Variants in EIF3H observed in about 807,000 individuals in gnomAD.
The protein encoded by EIF3H is eukaryotic translation initiation factor 3 subunit H.
EIF3H carries 26 observed loss-of-function variants against 44.2 expected under a neutral mutation model. That is an observed-to-expected ratio of 0.59 (90% CI 0.43 to 0.82). EIF3H has a LOEUF of 0.82. Among genes scored for constraint, EIF3H ranks in the 40% least tolerant of loss-of-function variants. The pLI is 0.00. For synonymous variants in EIF3H, 166 were observed against 151.9 expected (o/e 1.09, Z -0.68); for missense variants, 359 against 432.8 (o/e 0.83, Z 1.51).
At chr8:116,750,631 G>A (rs556268523) in intron 1 of EIF3H, among the ~76,000 whole-genome samples, 1 of 151,882 alleles carries the variant, frequency 6.6e-6, no homozygotes, top group Admixed American at 6.5e-5. Context: ...GGACGGTCTT[G>A]ATCTCCTGAC....
At chr8:116,729,822 T>TA (rs1307206076) in intron 1 of EIF3H, among the ~76,000 whole-genome samples, 1 of 152,198 alleles carries the variant, frequency 6.6e-6, no homozygotes, top group East Asian at 1.9e-4. Context: ...TTTGGCTGCT[T>TA]AGAGGATTAG....
intron 1 of EIF3H, among the ~76,000 whole-genome samples, chr8:116,728,641 G>A (rs1031106241): frequency 6.6e-6 from 1 of 152,010 alleles, no homozygotes; most frequent in Non-Finnish European, 1.5e-5. Context: ...AATAAGATTG[G>A]CAGACCTTCA....
intron 1 of EIF3H, among the ~76,000 whole-genome samples, chr8:116,733,957 T>A (rs901055540): frequency 1.1e-4 from 17 of 152,208 alleles, no homozygotes; most frequent in African/African-American, 4.1e-4. Flanking sequence ...TAAATCTTTT[T>A]AATATCTGGT....
At chr8:116,697,065 G>T (rs1371095062) in intron 2 of EIF3H, 3 of 456,182 alleles carry the variant, frequency 6.6e-6, no homozygotes, top group South Asian at 4.6e-5. Context: ...CTCCAGCTGG[G>T]ATCTCTCTCC....
intron 1 of EIF3H, among the ~76,000 whole-genome samples, chr8:116,751,156 G>A (rs1815332086): frequency 6.6e-6 from 1 of 151,808 alleles, no homozygotes; most frequent in Non-Finnish European, 1.5e-5. Context: ...AGCTTGCAGT[G>A]AGCCGAGATT....
chr8:116,646,387 C>T, intron 7 of EIF3H, 84 bp downstream of exon 7: 1 of 1,593,456 alleles, frequency 6.3e-7, no homozygotes, highest in East Asian at 2.2e-5. Context: ...TTACGGCATG[C>T]TTTTCTGTTT....
At chr8:116,657,969 A>G (rs553508845) in intron 3 of EIF3H, among the ~76,000 whole-genome samples, 1 of 152,344 alleles carries the variant, frequency 6.6e-6, no homozygotes, top group South Asian at 2.1e-4. Flanking sequence ...GTTAACATTC[A>G]TGTTGTCTGA....
chr8:116,678,372 GC>G (rs1216715622), intron 2 of EIF3H, among the ~76,000 whole-genome samples: 9 of 150,122 alleles, frequency 6.0e-5, no homozygotes, highest in Non-Finnish European at 1.0e-4. Flanking sequence ...GCCTGCCTTG[GC>G]CCCCCAAAGT....
chr8:116,754,270 T>C (rs960764126), intron 1 of EIF3H, among the ~76,000 whole-genome samples: 3 of 152,116 alleles, frequency 2.0e-5, no homozygotes, highest in African/African-American at 7.2e-5. Context: ...CGTGCCAACA[T>C]GCCCGGCTAA....
rs1459815806 is a variant in EIF3H, at chr8:116,643,986, C to A, written c.*1020G>T. 1 of 152,236 alleles carries A rather than the reference C, an allele frequency of 6.6e-6. No individual in the cohort carries two copies. Among genetic ancestry groups the A allele is most frequent in the Non-Finnish European group, 1.5e-5 (1 of 68,050 alleles). The allele number at this position is 152,236 out of a possible 1,614,324, so 9.4% of individuals were successfully genotyped here. ...AATTCCTAATTCCTCATTCACAACA[C>A]TTGCTGTTAGCAGAATTATACTTCA... On this transcript the variant is annotated 3_prime_UTR_variant, in exon 8 of 8. Transcript: ENST00000521861.
intron 2 of EIF3H, among the ~76,000 whole-genome samples, chr8:116,675,159 CT>C (rs75246941): frequency 0.12 from 17,698 of 152,230 alleles, 1,328 homozygotes; most frequent in East Asian, 0.42. Flanking sequence ...TGTGCTACCA[CT>C]TGATAAAGTC....
At chr8:116,740,996 A>C (rs903720877) in intron 1 of EIF3H, among the ~76,000 whole-genome samples, 1 of 152,234 alleles carries the variant, frequency 6.6e-6, no homozygotes, top group African/African-American at 2.4e-5. Context: ...TCCTCAGTAA[A>C]TGTTAGCTAC....
At chr8:116,666,718 T>C (rs762994453) in intron 2 of EIF3H, among the ~76,000 whole-genome samples, 3 of 106,858 alleles carry the variant, frequency 2.8e-5, no homozygotes, top group Non-Finnish European at 1.7e-5. Context: ...GAGCATGGTA[T>C]GTTAGAAGAC....
chr8:116,686,773 C>A (rs1486438129), intron 2 of EIF3H, among the ~76,000 whole-genome samples: 7 of 151,510 alleles, frequency 4.6e-5, no homozygotes, highest in African/African-American at 1.7e-4. Flanking sequence ...GCGGGATGGG[C>A]AAGAGTTTGC....
At chr8:116,752,754 AGGGAGGG>A (rs1815375267) in intron 1 of EIF3H, among the ~76,000 whole-genome samples, 16 of 10,198 alleles carry the variant, frequency 1.6e-3, no homozygotes, top group African/African-American at 3.5e-3. Context: ...AGAAAGAAAG[AGGGAGGG>A]AGGGAGGGAG....
At chr8:116,723,359 A>G (rs959804126) in intron 2 of EIF3H, among the ~76,000 whole-genome samples, 1 of 152,208 alleles carries the variant, frequency 6.6e-6, no homozygotes, top group Non-Finnish European at 1.5e-5. Flanking sequence ...GCCAGAAAGA[A>G]CTACAGAGAA....
At chr8:116,744,214 T>TAAAAAAAAAAA (rs66854303) in intron 1 of EIF3H, among the ~76,000 whole-genome samples, 1 of 141,264 alleles carries the variant, frequency 7.1e-6, no homozygotes, top group South Asian at 2.2e-4. Flanking sequence ...TAGAAAGTAT[T>TAAAAAAAAAAA]AAAAAAAAAA....
upstream of EIF3H, among the ~76,000 whole-genome samples, chr8:116,757,973 C>T (rs986837224): frequency 3.3e-5 from 5 of 152,180 alleles, no homozygotes; most frequent in African/African-American, 4.8e-5. Context: ...CCGCCCGCCT[C>T]AGCTTCCCAA....
chr8:116,710,450 G>A (rs1332777933), intron 2 of EIF3H, among the ~76,000 whole-genome samples: 3 of 152,142 alleles, frequency 2.0e-5, no homozygotes, highest in Admixed American at 6.5e-5. Context: ...AGTGAAATGG[G>A]TTTAGTGTCT....
Sources: gnomAD v4.1 joint callset for allele counts (sites outside exome capture counted in the v4.1 genomes callset) on GRCh38, gnomAD v4.1.1 for gene constraint, MANE v1.5 for transcripts, NCBI Gene and HGNC (gene_info 2026-07-23, HGNC 2026-07-21) for gene names.